The following PKHD1L1 variants were observed in gnomAD, a reference collection of about 807,000 sequenced individuals.
The protein encoded by PKHD1L1 is fibrocystin-L.
In PKHD1L1, 434 loss-of-function variants were observed where a neutral mutation model predicts 462.9. The observed-to-expected ratio is 0.94, with a 90% CI of 0.87 to 1.02. PKHD1L1 has a LOEUF of 1.02. Ranked by LOEUF, PKHD1L1 falls within the 50% of genes least tolerant of loss-of-function variation. The pLI is 0.00. For synonymous variants in PKHD1L1, 1,781 were observed against 1,750.0 expected (o/e 1.02, Z -0.44); for missense variants, 5,202 against 5,096.1 (o/e 1.02, Z -0.63).
intron 5 of PKHD1L1, 33 bp from the exon 6 acceptor site, chr8:109,385,504 C>A (rs1812392810): frequency 2.1e-6 from 3 of 1,416,702 alleles, no homozygotes; most frequent in Non-Finnish European, 2.9e-6. Context: ...TTTTCTTACA[C>A]AGAATCTTTT....
At chr8:109,406,159 C>T (rs1256099581) in intron 16 of PKHD1L1, among the ~76,000 whole-genome samples, 176 bp from the exon 17 acceptor site, 2 of 152,108 alleles carry the variant, frequency 1.3e-5, no homozygotes, top group Admixed American at 1.3e-4. Flanking sequence ...ATTAAATAGT[C>T]AATATTACTG....
chr8:109,524,806 A>AGCCC, intron 76 of PKHD1L1, among the ~76,000 whole-genome samples: 1 of 88,378 alleles, frequency 1.1e-5, no homozygotes, highest in Non-Finnish European at 2.2e-5. Flanking sequence ...CCCTCCCTCC[A>AGCCC]TCCCTCCTTC....
At chr8:109,389,339 C>A (rs1812597194) in intron 8 of PKHD1L1, among the ~76,000 whole-genome samples, 187 bp downstream of exon 8, 2 of 152,014 alleles carry the variant, frequency 1.3e-5, no homozygotes, top group Admixed American at 6.6e-5. Context: ...TCAGTATTTT[C>A]TTATGGTTTA....
In PKHD1L1 at chr8:109,471,199, T is replaced by C. The variant is rs186950001; in HGVS notation, c.8606-3919T>C. ...TATTACTAGTGTTTAAGTCATTTTT[T>C]ACTTGAATCAGATGGTGTCATTTAG... is the stretch of plus-strand genomic sequence containing the variant. On this transcript the variant is annotated intron_variant, in intron 50 of 77. Transcript: ENST00000378402. 4.2e-4 allele frequency: 391 copies of C among 921,566 alleles called. 1 individual carries two copies. In the African/African-American group the frequency reaches 6.1e-3, roughly 14 times the overall value. The allele number at this position is 921,566 out of a possible 1,614,324, so 57.1% of individuals were successfully genotyped here.
chr8:109,499,070 A>C, intron 67 of PKHD1L1: 1 of 294,618 alleles, frequency 3.4e-6, no homozygotes, highest in Non-Finnish European at 6.3e-6. Flanking sequence ...TCATGTAAGT[A>C]GGATTATATA....
intron 4 of PKHD1L1, among the ~76,000 whole-genome samples, chr8:109,383,417 T>TATATATAATATATAATTATATATA (rs1812270589): frequency 8.3e-6 from 1 of 120,768 alleles, no homozygotes; most frequent in African/African-American, 3.2e-5. Context: ...AATTATATAT[T>TATATATAATATATAATTATATATA]ATATATAATA....
At chr8:109,384,935 A>G (rs1205814952) in intron 5 of PKHD1L1, among the ~76,000 whole-genome samples, 1 of 152,020 alleles carries the variant, frequency 6.6e-6, no homozygotes, top group Non-Finnish European at 1.5e-5. Context: ...TATATCCTTA[A>G]AAAAGGATAT....
rs1057321668 is a variant in PKHD1L1 at position 109,534,816 on chromosome 8, T to C, written c.*4726T>C. ...GCAAGTCCTAATACAGTACTGTAGT[T>C]ATTATAATTCCATCATTCTGAAATT... On this transcript the variant is annotated 3_prime_UTR_variant, in exon 78 of 78. Coordinates refer to ENST00000378402, the MANE Select transcript of PKHD1L1 (RefSeq NM_177531.6). Among the ~76,000 whole-genome samples the C allele has an allele frequency of 5.9e-5, 9 of 152,194 alleles. No individual in the cohort carries two copies. The highest frequency in any genetic ancestry group is 4.4e-5 in the Non-Finnish European group (3 of 68,034).
rs182322690 is a variant in PKHD1L1, at chr8:109,530,904, G to T, written c.*814G>T. Among the ~76,000 whole-genome samples, 2 of 152,256 alleles carry T rather than the reference G, an allele frequency of 1.3e-5. No homozygotes were observed. Among genetic ancestry groups the T allele is most frequent in the East Asian group, 3.9e-4 (2 of 5,180 alleles). On this transcript the variant is annotated 3_prime_UTR_variant, in exon 78 of 78. Transcript: ENST00000378402. ...TGGATGAATGAAGTATAAAGTGTGG[G>T]AAGTCAACAACAGAACAGAACTTAT...
Position 109,442,187 on chromosome 8 carries a change from C to T in PKHD1L1, c.4385C>T (p.Ser1462Phe). ...GGATTCACAAGTGGAAGACAAAAAT[C>T]TACATCAGGTATGTTTCTGCTTATT... The part of the protein sequence containing the change: ...GKGFTSGRQK[S>F]TSGSFSYQFT... Residue 1462 changes from serine (S) to phenylalanine (F), a missense_variant, in exon 35 of 78, where the codon TCT becomes TTT. By Grantham distance (155) the Ser-to-Phe change is radical (BLOSUM62 -2). Coordinates refer to ENST00000378402, the MANE Select transcript of PKHD1L1 (RefSeq NM_177531.6). 6.2e-7 allele frequency: 1 copy of T among 1,609,680 alleles called. No individual in the cohort carries two copies. Among genetic ancestry groups the T allele is most frequent in the Non-Finnish European group, 8.5e-7 (1 of 1,178,226 alleles).
At position 109,461,816 on chromosome 8, in the gene PKHD1L1, G is replaced by T. The variant is rs748859040; in HGVS notation, c.7291G>T (p.Glu2431Ter). ...QTCLQGKFGEEIGSDQFGGCV... is the reference protein window; with the variant it reads ...QTCLQGKFGE ...CTGTCTCCAAGGAAAGTTTGGAGAA[G>T]AAATAGGAAGTGACCAATTTGGAGG... Residue 2431 changes from glutamate (E) to a stop codon, truncating the protein, a stop_gained, in exon 48 of 78, where the codon GAA becomes TAA. Coordinates refer to ENST00000378402, the MANE Select transcript of PKHD1L1 (RefSeq NM_177531.6). LOFTEE classifies it high-confidence loss of function. 5 of 1,609,064 alleles carry T rather than the reference G, an allele frequency of 3.1e-6. No individual in the cohort carries two copies. In the East Asian group the frequency reaches 1.1e-4, roughly 36 times the overall value.
rs1429137953 is a variant in PKHD1L1, at chr8:109,471,110, T to A, written c.8606-4008T>A. On this transcript the variant is annotated intron_variant, in intron 50 of 77. Coordinates refer to ENST00000378402, the MANE Select transcript of PKHD1L1 (RefSeq NM_177531.6). The stretch of plus-strand genomic sequence containing the variant: ...AACATACAGCAGCATCTGAAACATC[T>A]AAACTAAAACACTCAGCAGACATTT... The A allele has an allele frequency of 3.2e-5, 48 of 1,506,798 alleles. No individual in the cohort carries two copies. The Middle Eastern group carries it at 9.5e-4, about 30-fold the overall frequency. 93.3% of individuals were successfully genotyped at this position (1,506,798 alleles called of 1,614,324 possible).
chr8:109,479,638 A>C lies in PKHD1L1; in HGVS notation c.9177A>C (p.Glu3059Asp), dbSNP rs1379388633. 2 of 1,475,850 alleles carry C rather than the reference A, an allele frequency of 1.4e-6. No homozygotes were observed. The highest frequency in any genetic ancestry group is 1.8e-5 in the Admixed American group (1 of 54,080). 91.4% of individuals were successfully genotyped at this position (1,475,850 alleles called of 1,614,324 possible). A position where few individuals can be genotyped will look rare whatever the true frequency, so the allele number is the denominator to read the frequency against. The change falls in exon 54 of 78, where the codon GAA becomes GAC. Residue 3059 changes from glutamate to aspartate, a missense_variant and splice_region_variant. By Grantham distance (45) the Glu-to-Asp change is conservative. Transcript: ENST00000378402. Reference sequence around the variant, plus strand: ...CAGGGGCAAATGTGATTATACCTGAAGGTAAATGCGTAAACACAAATGAAT... The same window carrying C: ...CAGGGGCAAATGTGATTATACCTGACGGTAAATGCGTAAACACAAATGAAT... Reference protein sequence around the residue: ...PHPGANVIIPEGTWIVADIDM... With the variant: ...PHPGANVIIPDGTWIVADIDM...
At chr8:109,503,771 A>G (rs1563617906) in intron 67 of PKHD1L1, among the ~76,000 whole-genome samples, 2 of 152,166 alleles carry the variant, frequency 1.3e-5, no homozygotes, top group African/African-American at 2.4e-5. Context: ...TGGATTGTCA[A>G]TTTGGGCTTT....
intron 2 of PKHD1L1, among the ~76,000 whole-genome samples, chr8:109,373,893 T>C (rs2130360565): frequency 6.6e-6 from 1 of 152,352 alleles, no homozygotes; most frequent in Middle Eastern, 3.4e-3. Context: ...TCTATTCTTT[T>C]ACATTTGCTG....
rs199986337 is a variant in PKHD1L1 at position 109,438,139 on chromosome 8, G to T, written c.3628-185G>T. Reference sequence around the variant, plus strand: ...CTACTATGTCATGTAACTTTATTTTGAGAACTCAAGCATGTAACCTATATT... The same window carrying T: ...CTACTATGTCATGTAACTTTATTTTTAGAACTCAAGCATGTAACCTATATT... On this transcript the variant is annotated intron_variant, in intron 30 of 77. Transcript: ENST00000378402. Among the ~76,000 whole-genome samples, 10 of 152,136 alleles carry T rather than the reference G, an allele frequency of 6.6e-5. No homozygotes were observed. In the East Asian group the frequency reaches 1.9e-3, roughly 29 times the overall value.
Position 109,412,259 on chromosome 8 carries a change from C to T in PKHD1L1, c.2086-6C>T, listed in dbSNP as rs201449705. ...GTTTTCATTTGAAATATTATTGTTT[C>T]GGTAGGAACATATTAACAGAGGGCA... is the stretch of plus-strand genomic sequence containing the variant. On this transcript the variant is annotated splice_polypyrimidine_tract_variant and splice_region_variant and intron_variant, in intron 19 of 77. Coordinates refer to ENST00000378402, the MANE Select transcript of PKHD1L1 (RefSeq NM_177531.6). 2.1e-4 allele frequency: 346 copies of T among 1,610,312 alleles called. No homozygotes were observed. Among genetic ancestry groups the T allele is most frequent in the Non-Finnish European group, 2.7e-4 (320 of 1,178,418 alleles).
At chr8:109,377,782 A>G (rs1434586827) in intron 2 of PKHD1L1, among the ~76,000 whole-genome samples, 3 of 152,142 alleles carry the variant, frequency 2.0e-5, no homozygotes, top group Admixed American at 6.5e-5. Flanking sequence ...TAATTATAGG[A>G]TTTAATTAAT....
In PKHD1L1 at chr8:109,398,532, C is replaced by T. The variant is rs1179040320; in HGVS notation, c.996C>T (p.Leu332=). Residue 332 remains leucine, a synonymous_variant, in exon 12 of 78, where the codon CTC becomes CTT. Coordinates refer to ENST00000378402, the MANE Select transcript of PKHD1L1 (RefSeq NM_177531.6). ...CCKTPPKPHI[L]KTVYPGGRGL... Reference sequence around the variant, plus strand: ...AGACACCCCCCAAACCTCATATTCTCAAAACTGTATATCCAGGTAAGTTAC... The same window carrying T: ...AGACACCCCCCAAACCTCATATTCTTAAAACTGTATATCCAGGTAAGTTAC... The T allele has an allele frequency of 2.6e-6, 4 of 1,561,212 alleles. No homozygotes were observed. Among genetic ancestry groups the T allele is most frequent in the Non-Finnish European group, 2.6e-6 (3 of 1,144,450 alleles).
Sources: gnomAD v4.1 joint callset for allele counts (sites outside exome capture counted in the v4.1 genomes callset) on GRCh38, gnomAD v4.1.1 for gene constraint, MANE v1.5 for transcripts, NCBI Gene and HGNC (gene_info 2026-07-23, HGNC 2026-07-21) for gene names.